TSPAN5: variants seen among roughly 807,000 people sequenced by gnomAD.
TSPAN5 encodes the protein tetraspanin-5.
TSPAN5 carries 10 observed loss-of-function variants against 37.1 expected under a neutral mutation model. That is an observed-to-expected ratio of 0.27 (90% CI 0.17 to 0.46). The LOEUF is 0.46. Ranked by LOEUF, TSPAN5 falls within the 20% of genes least tolerant of loss-of-function variation. The pLI, the probability that TSPAN5 is intolerant of heterozygous loss-of-function variation, is 1.00. For synonymous variants in TSPAN5, 110 were observed against 118.9 expected (o/e 0.93, Z 0.48); for missense variants, 195 against 326.6 (o/e 0.60, Z 3.11).
chr4:98,500,526 CAG>C (rs1753321245), intron 2 of TSPAN5, among the ~76,000 whole-genome samples: 1 of 152,142 alleles, frequency 6.6e-6, no homozygotes, highest in Non-Finnish European at 1.5e-5. Flanking sequence ...TGGAGGATGA[CAG>C]GGGACTGGCC....
intron 1 of TSPAN5, among the ~76,000 whole-genome samples, chr4:98,578,546 T>C (rs11097622): frequency 0.75 from 114,742 of 151,996 alleles, 43,536 homozygotes; most frequent in South Asian, 0.88. Flanking sequence ...CTGTCTCAGC[T>C]ACCCCTGGGA....
intron 7 of TSPAN5, 119 bp downstream of exon 7, chr4:98,476,070 C>T (rs1752688579): frequency 1.4e-6 from 1 of 703,990 alleles, no homozygotes. Flanking sequence ...TGTTCCTCAG[C>T]CCTCCAATGT....
At chr4:98,499,772 T>C (rs1390439657) in intron 2 of TSPAN5, among the ~76,000 whole-genome samples, 1 of 149,386 alleles carries the variant, frequency 6.7e-6, no homozygotes, top group East Asian at 2.0e-4. Context: ...ACCATTCTCC[T>C]GCCTCAGCCT....
chr4:98,519,737 G>C (rs547720570), intron 1 of TSPAN5, among the ~76,000 whole-genome samples: 1 of 152,210 alleles, frequency 6.6e-6, no homozygotes, highest in Middle Eastern at 3.2e-3. Flanking sequence ...ACAGATGTCA[G>C]ACACTGATGT....
At chr4:98,647,015 C>T (rs1047455661) in intron 1 of TSPAN5, among the ~76,000 whole-genome samples, 8 of 152,136 alleles carry the variant, frequency 5.3e-5, no homozygotes, top group Admixed American at 1.3e-4. Context: ...GGGCAAGTAA[C>T]GTCTAAGGTC....
Position 98,658,371 on chromosome 4 carries a change from G to A in TSPAN5, c.-145C>T. On this transcript the variant is annotated 5_prime_UTR_variant, in exon 1 of 8. Transcript: ENST00000305798. ...TGGCGGCCTGGGCTCAGCCGCGCGG[G>A]GACCGACCGGCGGAGAGCGGCTCCC... 7.0e-6 allele frequency: 4 copies of A among 570,216 alleles called. No individual in the cohort carries two copies. The highest frequency in any genetic ancestry group is 3.7e-5 in the Admixed American group (1 of 26,742). 35.3% of individuals were successfully genotyped at this position (570,216 alleles called of 1,614,324 possible). A position where few individuals can be genotyped will look rare whatever the true frequency, so the allele number is the denominator to read the frequency against.
intron 7 of TSPAN5, among the ~76,000 whole-genome samples, chr4:98,474,760 A>G (rs1205813301): frequency 2.6e-5 from 4 of 152,004 alleles, no homozygotes; most frequent in Non-Finnish European, 5.9e-5. Flanking sequence ...TGCAGCTTCA[A>G]CCTTCTGGGC....
At chr4:98,514,681 T>C (rs1369005281) in intron 1 of TSPAN5, among the ~76,000 whole-genome samples, 1 of 152,208 alleles carries the variant, frequency 6.6e-6, no homozygotes, top group Non-Finnish European at 1.5e-5. Flanking sequence ...GCACTCTGCC[T>C]GCTGAACCCT....
chr4:98,475,925 G>A (rs182243163), intron 7 of TSPAN5, among the ~76,000 whole-genome samples: 79 of 152,158 alleles, frequency 5.2e-4, no homozygotes, highest in Non-Finnish European at 5.9e-4. Flanking sequence ...AAGAGGCGGA[G>A]CTTTCAGTGA....
At chr4:98,652,859 T>C (rs1036215557) in intron 1 of TSPAN5, among the ~76,000 whole-genome samples, 1 of 152,270 alleles carries the variant, frequency 6.6e-6, no homozygotes, top group African/African-American at 2.4e-5. Flanking sequence ...GGCAAGTTTA[T>C]GGTGGTTGAA....
At chr4:98,576,356 G>A (rs1362250790) in intron 1 of TSPAN5, among the ~76,000 whole-genome samples, 1 of 152,046 alleles carries the variant, frequency 6.6e-6, no homozygotes, top group African/African-American at 2.4e-5. Flanking sequence ...TTTCAAAAAG[G>A]GAAAATTTTT....
At chr4:98,557,408 G>C (rs984175005) in intron 1 of TSPAN5, among the ~76,000 whole-genome samples, 6 of 152,166 alleles carry the variant, frequency 3.9e-5, no homozygotes, top group Admixed American at 1.3e-4. Context: ...CTCTGAACTA[G>C]GCAGGGTGGC....
At chr4:98,509,304 G>A (rs1343339077) in intron 1 of TSPAN5, among the ~76,000 whole-genome samples, 2 of 152,190 alleles carry the variant, frequency 1.3e-5, no homozygotes, top group Non-Finnish European at 2.9e-5. Context: ...CCTGCCCACT[G>A]GGCAAGGGCT....
chr4:98,595,452 T>G (rs11733154), intron 1 of TSPAN5, among the ~76,000 whole-genome samples: 70,680 of 105,386 alleles, frequency 0.67, 24,994 homozygotes, highest in South Asian at 0.8. Context: ...CTGCTCTGAT[T>G]TTAGTTATTT....
intron 1 of TSPAN5, among the ~76,000 whole-genome samples, chr4:98,651,755 C>T (rs1254378750): frequency 6.6e-6 from 1 of 151,602 alleles, no homozygotes; most frequent in Non-Finnish European, 1.5e-5. Flanking sequence ...CAGATCCATG[C>T]TTAGAAAGGT....
intron 1 of TSPAN5, among the ~76,000 whole-genome samples, chr4:98,654,401 T>C (rs532596100): frequency 7.9e-5 from 12 of 152,190 alleles, no homozygotes; most frequent in Admixed American, 1.3e-4. Flanking sequence ...CATCTATTAA[T>C]GATGAGTGAT....
intron 1 of TSPAN5, among the ~76,000 whole-genome samples, chr4:98,558,223 G>A (rs1467939077): frequency 4.0e-5 from 6 of 151,040 alleles, no homozygotes; most frequent in Non-Finnish European, 8.8e-5. Flanking sequence ...ATGTATGTTC[G>A]AATGCTCATA....
At chr4:98,603,019 G>C (rs1305074371) in intron 1 of TSPAN5, among the ~76,000 whole-genome samples, 1 of 152,208 alleles carries the variant, frequency 6.6e-6, no homozygotes, top group Non-Finnish European at 1.5e-5. Context: ...TGTATTTACA[G>C]TCTAGACCTA....
chr4:98,553,908 A>C (rs1754677862), intron 1 of TSPAN5, among the ~76,000 whole-genome samples: 1 of 152,050 alleles, frequency 6.6e-6, no homozygotes, highest in South Asian at 2.1e-4. Flanking sequence ...CTCTACTAAA[A>C]ATACAAAAAT....
Sources: gnomAD v4.1 joint callset for allele counts (sites outside exome capture counted in the v4.1 genomes callset) on GRCh38, gnomAD v4.1.1 for gene constraint, MANE v1.5 for transcripts, NCBI Gene and HGNC (gene_info 2026-07-23, HGNC 2026-07-21) for gene names.